CCNY: variants seen among roughly 807,000 people sequenced by gnomAD.
The protein encoded by CCNY is cyclin Y, also known as cyclin-Y.
CCNY carries 19 observed loss-of-function variants against 42.8 expected under a neutral mutation model. The observed-to-expected ratio is 0.44, with a 90% confidence interval of 0.31 to 0.65. The LOEUF (loss-of-function observed/expected upper bound fraction) is 0.65, where lower values mean the gene tolerates loss of function less well. Ranked by LOEUF, CCNY falls within the 30% of genes least tolerant of loss-of-function variation. CCNY has a pLI of 0.07. For missense variants in CCNY, 370 were observed against 437.3 expected, an observed-to-expected ratio of 0.85 and a Z score of 1.37; for synonymous variants, 165 against 162.7, an observed-to-expected ratio of 1.01 and a Z score of -0.11.
At chr10:35,307,601 G>T (rs1401605159) in intron 3 of CCNY, among the ~76,000 whole-genome samples, 1 of 151,566 alleles carries the variant, frequency 6.6e-6, no homozygotes, top group South Asian at 2.1e-4. Flanking sequence ...TAGGTACTGG[G>T]CTAAATAACC....
In CCNY at chr10:35,368,259, A is replaced by G. The variant is rs190639069; in HGVS notation, c.154+31052A>G. Among the ~76,000 whole-genome samples the G allele has an allele frequency of 1.1e-4, 16 of 152,266 alleles. No homozygotes were observed. The East Asian group carries it at 1.9e-3, about 18-fold the overall frequency. ...GTCTTGTTCAGTTTTCTGGGCTTCA[A>G]GTTCCATCCTCAGCTTTAGTATTAA... On this transcript the variant is annotated intron_variant, in intron 1 of 9. Coordinates refer to ENST00000374704, the MANE Select transcript of CCNY (RefSeq NM_145012.6).
chr10:35,448,779 G>A (rs897808062), intron 1 of CCNY, among the ~76,000 whole-genome samples: 1 of 152,074 alleles, frequency 6.6e-6, no homozygotes, highest in Non-Finnish European at 1.5e-5. Flanking sequence ...GCCACTGTGA[G>A]TACTTTGCAC....
At chr10:35,501,758 T>C (rs1245109281) in intron 3 of CCNY, 2 of 472,642 alleles carry the variant, frequency 4.2e-6, no homozygotes, top group Non-Finnish European at 7.6e-6. Flanking sequence ...CTATTGTTCA[T>C]GAGATGATGT....
intron 2 of CCNY, among the ~76,000 whole-genome samples, chr10:35,250,121 G>C (rs2095710847): frequency 1.3e-5 from 2 of 151,164 alleles, no homozygotes; most frequent in Non-Finnish European, 2.9e-5. Flanking sequence ...GTGAACCCGG[G>C]AGGCAGAGCT....
chr10:35,538,367 T>G (rs1840928163), intron 7 of CCNY, among the ~76,000 whole-genome samples: 1 of 152,224 alleles, frequency 6.6e-6, no homozygotes, highest in African/African-American at 2.4e-5. Flanking sequence ...GGTAACTCTG[T>G]TTTGAGGAAC....
intron 1 of CCNY, among the ~76,000 whole-genome samples, chr10:35,436,795 C>T (rs1169580663): frequency 6.6e-6 from 1 of 151,882 alleles, no homozygotes; most frequent in South Asian, 2.1e-4. Flanking sequence ...TTTTTTCCTT[C>T]TCTGTTGGTG....
chr10:35,249,635 G>A (rs1255205530), intron 2 of CCNY, among the ~76,000 whole-genome samples: 1 of 152,218 alleles, frequency 6.6e-6, no homozygotes, highest in Non-Finnish European at 1.5e-5. Flanking sequence ...GTGTGGTTTA[G>A]GATTTATGAC....
At chr10:35,359,325 A>G (rs1300007056) in intron 1 of CCNY, among the ~76,000 whole-genome samples, 2 of 152,084 alleles carry the variant, frequency 1.3e-5, no homozygotes, top group Non-Finnish European at 1.5e-5. Flanking sequence ...CATGGCTGTC[A>G]TTGGTTTGAG....
rs1484217515 is a variant in CCNY, at chr10:35,571,554, G to A, written c.*2384G>A. On this transcript the variant is annotated 3_prime_UTR_variant, in exon 10 of 10. Transcript: ENST00000374704. ...AAGGATGTTTAAAACTCCGCTGTAA[G>A]TGTAGATTTTAGTTTTACTGGCAGG... is the stretch of plus-strand genomic sequence containing the variant. The A allele has an allele frequency of 3.9e-5, 6 of 152,366 alleles. No individual in the cohort carries two copies. Among genetic ancestry groups the A allele is most frequent in the Admixed American group, 3.9e-4 (6 of 15,282 alleles). The allele number at this position is 152,366 out of a possible 1,614,324, so 9.4% of individuals were successfully genotyped here.
intron 3 of CCNY, among the ~76,000 whole-genome samples, chr10:35,287,515 A>C (rs1835367485): frequency 6.6e-6 from 1 of 152,222 alleles, no homozygotes; most frequent in Non-Finnish European, 1.5e-5. Flanking sequence ...GAATCCAAGC[A>C]AATACTGATC....
intron 1 of CCNY, among the ~76,000 whole-genome samples, chr10:35,342,099 A>G (rs1350881676): frequency 1.3e-5 from 2 of 152,198 alleles, no homozygotes; most frequent in African/African-American, 4.8e-5. Context: ...CAGAGAAGCT[A>G]GAAGCCTCAG....
At chr10:35,284,457 GTGGGATA>G (rs1205726269) in intron 3 of CCNY, among the ~76,000 whole-genome samples, 1 of 152,148 alleles carries the variant, frequency 6.6e-6, no homozygotes, top group African/African-American at 2.4e-5. Context: ...TTTAATGTCT[GTGGGATA>G]TGGAGGGATA....
rs1837690993 is a variant in CCNY at position 35,403,530 on chromosome 10, G to T, written c.154+66323G>T. On this transcript the variant is annotated intron_variant, in intron 1 of 9. Coordinates refer to ENST00000374704, the MANE Select transcript of CCNY (RefSeq NM_145012.6). The stretch of plus-strand genomic sequence containing the variant: ...TGAGCCATGGGATCTGATGTCCTTT[G>T]GTGGTCCTTGCAGTGTATGACTCCA... Among the ~76,000 whole-genome samples the T allele has an allele frequency of 3.3e-5, 5 of 152,296 alleles. No homozygotes were observed. The South Asian group carries it at 1.0e-3, about 32-fold the overall frequency.
chr10:35,405,933 G>T (rs1837749942), intron 1 of CCNY, among the ~76,000 whole-genome samples: 1 of 152,198 alleles, frequency 6.6e-6, no homozygotes, highest in Non-Finnish European at 1.5e-5. Flanking sequence ...CAGATTTCCG[G>T]CACTTGAAGC....
At chr10:35,402,034 A>G (rs1353273380) in intron 1 of CCNY, among the ~76,000 whole-genome samples, 1 of 152,156 alleles carries the variant, frequency 6.6e-6, no homozygotes, top group Non-Finnish European at 1.5e-5. Context: ...GTCTTCTTAT[A>G]TTAATAAGAA....
intron 4 of CCNY, among the ~76,000 whole-genome samples, chr10:35,522,897 G>GGACC (rs1448648025): frequency 6.6e-6 from 1 of 152,184 alleles, no homozygotes; most frequent in Non-Finnish European, 1.5e-5. Flanking sequence ...GGCCCCCAGT[G>GGACC]GACCCTTCAG....
intron 2 of CCNY, among the ~76,000 whole-genome samples, chr10:35,494,356 G>T (rs541132565): frequency 4.0e-5 from 6 of 151,738 alleles, no homozygotes; most frequent in African/African-American, 1.4e-4. Flanking sequence ...GCCAGCATTT[G>T]ATAGCAGCTC....
At chr10:35,256,468 T>C (rs2095715555) in intron 3 of CCNY, among the ~76,000 whole-genome samples, 1 of 152,124 alleles carries the variant, frequency 6.6e-6, no homozygotes, top group South Asian at 2.1e-4. Flanking sequence ...GGGCGGTGGC[T>C]CACACCTGTA....
chr10:35,260,307 A>T lies in CCNY; in HGVS notation c.-9+9681A>T, dbSNP rs554518259. 5.3e-5 allele frequency among the ~76,000 whole-genome samples: 8 copies of T among 152,342 alleles called. No homozygotes were observed. In the South Asian group the frequency reaches 1.5e-3, roughly 28 times the overall value. On this transcript the variant is annotated intron_variant, in intron 3 of 11. Transcript: ENST00000374706. ...GGGACTTACATTTGGGTTAAAGCAC[A>T]GACCAAATGCTGTATGTAAGAGCCT...
Sources: gnomAD v4.1 joint callset for allele counts (sites outside exome capture counted in the v4.1 genomes callset) on GRCh38, gnomAD v4.1.1 for gene constraint, MANE v1.5 for transcripts, NCBI Gene and HGNC (gene_info 2026-07-23, HGNC 2026-07-21) for gene names.